Variants in TULP2 observed in about 807,000 individuals in gnomAD.
TULP2 encodes the protein TUB like protein 2.
TULP2 carries 64 observed loss-of-function variants against 60.3 expected under a neutral mutation model. That is an observed-to-expected ratio of 1.06 (90% confidence interval 0.87 to 1.31). The LOEUF (loss-of-function observed/expected upper bound fraction) is 1.31. TULP2 is among the 50% of genes most tolerant of loss of function. The pLI is 0.00. For synonymous variants in TULP2, 267 were observed against 265.4 expected, an observed-to-expected ratio of 1.01 and a Z score of -0.06; for missense variants, 652 against 667.0, an observed-to-expected ratio of 0.98 and a Z score of 0.25.
rs560149311 is a variant in TULP2 at position 48,886,993 on chromosome 19, G to A, written c.948+957C>T. ...CCTCCAAAATGCTGAGATTACAAGC[G>A]TGAACCACCGTGCCCGGCCTTTTTT... On this transcript the variant is annotated intron_variant, in intron 8 of 12. Transcript: ENST00000221399. Among the ~76,000 whole-genome samples the A allele has an allele frequency of 2.0e-3, 304 of 149,590 alleles. 4 individuals are homozygous for A. The highest frequency in any genetic ancestry group is 7.2e-3 in the African/African-American group (291 of 40,382).
chr19:48,896,692 G>C, intron 3 of TULP2, 136 bp from the exon 4 acceptor site: 1 of 1,067,764 alleles, frequency 9.4e-7, no homozygotes, highest in Non-Finnish European at 1.3e-6. Context: ...CACACGTCCA[G>C]GCCCTCAGTT....
rs373329218 is a variant in TULP2 at position 48,892,578 on chromosome 19, A to G, written c.514+2420T>C. On this transcript the variant is annotated intron_variant, in intron 6 of 12. Coordinates refer to ENST00000221399, the MANE Select transcript of TULP2 (RefSeq NM_003323.3). Reference sequence around the variant, plus strand: ...GAGTGCAGTGGCGCGATCTCAGCTCACTGCAAGCTCTGCCTCCCGGGTTCA... The same window carrying G: ...GAGTGCAGTGGCGCGATCTCAGCTCGCTGCAAGCTCTGCCTCCCGGGTTCA... Among the ~76,000 whole-genome samples, 28 of 150,368 alleles carry G rather than the reference A, an allele frequency of 1.9e-4. 1 individual carries two copies. In the South Asian group the frequency reaches 3.4e-3, roughly 18 times the overall value.
At chr19:48,885,230 C>T (rs2037168961) in intron 9 of TULP2, among the ~76,000 whole-genome samples, 1 of 152,140 alleles carries the variant, frequency 6.6e-6, no homozygotes, top group South Asian at 2.1e-4. Context: ...ATAATTCACA[C>T]ATTCCAGGCC....
intron 8 of TULP2, among the ~76,000 whole-genome samples, chr19:48,887,338 T>TTTTTTTTTTTTTTTTA (rs1285265988): frequency 2.1e-5 from 2 of 95,254 alleles, no homozygotes; most frequent in Non-Finnish European, 4.1e-5. Context: ...TTTTTTTTTT[T>TTTTTTTTTTTTTTTTA]TTTTTATGCA....
chr19:48,892,768 G>A (rs186445948), intron 6 of TULP2, among the ~76,000 whole-genome samples: 7 of 152,088 alleles, frequency 4.6e-5, no homozygotes, highest in African/African-American at 1.7e-4. Flanking sequence ...TGGGATTACA[G>A]GCGTGAGCCA....
Position 48,883,778 on chromosome 19 carries a change from C to A in TULP2, c.1251G>T (p.Gln417His). ...CATTTAGTGGCTGGACATTGATTCG[C>A]TGGTTCTGGCTGTTGGTTCCTGGGA... The part of the protein sequence containing the change: ...VILPGTNSQN[Q>H]RINVQPLNEQ... Residue 417 changes from glutamine (Q) to histidine (H), a missense_variant, in exon 11 of 13, where the codon CAG (glutamine) becomes CAT (histidine). By Grantham distance (24) the Gln-to-His change is conservative (BLOSUM62 0). Transcript: ENST00000221399. 8 of 1,614,112 alleles carry A rather than the reference C, an allele frequency of 5.0e-6. No individual in the cohort carries two copies. The highest frequency in any genetic ancestry group is 6.8e-6 in the Non-Finnish European group (8 of 1,180,038).
intron 11 of TULP2, 49 bp from the exon 12 acceptor site, chr19:48,882,252 C>A: frequency 6.2e-7 from 1 of 1,605,870 alleles, no homozygotes; most frequent in South Asian, 1.1e-5. Flanking sequence ...TTTCGAAACT[C>A]CATCTTGAAC....
intron 4 of TULP2, 108 bp from the exon 5 acceptor site, chr19:48,895,611 GGCTCAC>G: frequency 7.0e-7 from 1 of 1,418,754 alleles, no homozygotes; most frequent in Non-Finnish European, 9.5e-7. Context: ...CAGGCGCCGT[GGCTCAC>G]GCCTGTAATC....
chr19:48,886,533 T>A (rs1418079709), intron 8 of TULP2, among the ~76,000 whole-genome samples: 1 of 151,766 alleles, frequency 6.6e-6, no homozygotes, highest in East Asian at 1.9e-4. Flanking sequence ...ATGGGTTTGG[T>A]TGGCTCTGAG....
rs1283770030 is a variant in TULP2, at chr19:48,895,396, G to C, written c.319C>G (p.Arg107Gly). Residue 107 changes from arginine (R) to glycine (G), a missense_variant, in exon 5 of 13, where the codon CGC becomes GGC. Arg to Gly is a moderately radical substitution (Grantham distance 125). Transcript: ENST00000221399. ...VSCGGDGRGE[R>G]GLPTPRTEAV... ...TCTGTCCGCGGTGTCGGGAGGCCGC[G>C]CTCGCCCCTGCCGTCTCCACCACAG... The C allele has an allele frequency of 6.2e-7, 1 of 1,613,892 alleles. No individual in the cohort carries two copies. Among genetic ancestry groups the C allele is most frequent in the African/African-American group, 1.3e-5 (1 of 75,034 alleles).
chr19:48,896,425 G>T lies in TULP2; in HGVS notation c.211+5C>A, dbSNP rs2122144218. ...AGGCGAACGCCCCCAGGGGTCTTTGGTCACCTCTGTCACCTAAAAGGCGCT... is the reference window on the plus strand; with the variant it reads ...AGGCGAACGCCCCCAGGGGTCTTTGTTCACCTCTGTCACCTAAAAGGCGCT... On this transcript the variant is annotated splice_donor_5th_base_variant and intron_variant, in intron 4 of 12. Transcript: ENST00000221399. 6.2e-7 allele frequency: 1 copy of T among 1,601,304 alleles called. No homozygotes were observed. Among genetic ancestry groups the T allele is most frequent in the South Asian group, 1.1e-5 (1 of 89,586 alleles).
intron 7 of TULP2, among the ~76,000 whole-genome samples, chr19:48,888,638 T>A (rs2037205256): frequency 6.6e-6 from 1 of 152,202 alleles, no homozygotes; most frequent in Non-Finnish European, 1.5e-5. Flanking sequence ...CTTTTATTTT[T>A]TAAGACAGAG....
chr19:48,889,522 C>T lies in TULP2; in HGVS notation c.624G>A (p.Leu208=), dbSNP rs545523192. 3.8e-5 allele frequency: 59 copies of T among 1,570,956 alleles called. No homozygotes were observed. In the South Asian group the frequency reaches 5.5e-4, roughly 15 times the overall value. The part of the protein sequence containing the change: ...GMDGDCVYEN[L]AFQKEEDLEK... ...TGCATTTTCCTACCTTTTGGAAGGC[C>T]AAGTTTTCATATACACAGTCACCAT... The change falls in exon 7 of 13, where the codon TTG becomes TTA. Residue 208 remains leucine (L), a synonymous_variant. Transcript: ENST00000221399.
intron 11 of TULP2, among the ~76,000 whole-genome samples, chr19:48,882,748 C>A (rs938673294): frequency 1.3e-5 from 2 of 152,112 alleles, no homozygotes; most frequent in Non-Finnish European, 2.9e-5. Flanking sequence ...AAAACACCTT[C>A]AAATAAGGAA....
intron 3 of TULP2, 40 bp from the exon 4 acceptor site, chr19:48,896,596 A>T (rs1455063646): frequency 6.5e-7 from 1 of 1,547,248 alleles, no homozygotes; most frequent in Non-Finnish European, 8.7e-7. Context: ...GACAGGAACC[A>T]GATGGGAAGA....
chr19:48,888,127 G>A lies in TULP2; in HGVS notation c.771C>T (p.Ala257=). ...GGCAGGGGGAGCGGATTGCCAAGGA[G>A]GCTTCGTGCCTCATATGGTCGCTGT... ...GTDSDHMRHE[A]SLAIRSPCPG... is the part of the protein sequence containing the mutation. Residue 257 remains alanine, a synonymous_variant, in exon 8 of 13, where the codon GCC becomes GCT. Coordinates refer to ENST00000221399, the MANE Select transcript of TULP2 (RefSeq NM_003323.3). 1 of 1,614,226 alleles carries A rather than the reference G, an allele frequency of 6.2e-7. No homozygotes were observed. Among genetic ancestry groups the A allele is most frequent in the Non-Finnish European group, 8.5e-7 (1 of 1,180,026 alleles).
At chr19:48,893,814 A>G (rs1306055366) in intron 6 of TULP2, among the ~76,000 whole-genome samples, 2 of 152,082 alleles carry the variant, frequency 1.3e-5, no homozygotes, top group African/African-American at 2.4e-5. Flanking sequence ...TTTGCCTCCC[A>G]AAGTGCTGGG....
At chr19:48,895,644 C>T (rs962347700) in intron 4 of TULP2, 141 bp from the exon 5 acceptor site, 39 of 1,051,098 alleles carry the variant, frequency 3.7e-5, no homozygotes, top group Non-Finnish European at 4.4e-5. Flanking sequence ...CTTTGGGAGG[C>T]CGAGGCAGGC....
In TULP2 at chr19:48,882,172, C is replaced by T. The variant is rs778375592; in HGVS notation, c.1307G>A (p.Arg436His). The T allele has an allele frequency of 1.2e-6, 2 of 1,613,838 alleles. No homozygotes were observed. Among genetic ancestry groups the T allele is most frequent in the Non-Finnish European group, 8.5e-7 (1 of 1,179,996 alleles). ...CAAAAGCAACCCTTGTTTGTCCCCA[C>T]GTTGGTAACGACTCAGTAGCGACTC... The part of the protein sequence containing the change: ...EQESLLSRYQ[R>H]GDKQGLLLLH... The change falls in exon 12 of 13, where the codon CGT becomes CAT. Residue 436 changes from arginine to histidine, a missense_variant. Physicochemically the swap from Arg to His is conservative, Grantham distance 29. Coordinates refer to ENST00000221399, the MANE Select transcript of TULP2 (RefSeq NM_003323.3).
Sources: gnomAD v4.1 joint callset for allele counts (sites outside exome capture counted in the v4.1 genomes callset) on GRCh38, gnomAD v4.1.1 for gene constraint, MANE v1.5 for transcripts, NCBI Gene and HGNC (gene_info 2026-07-23, HGNC 2026-07-21) for gene names.